Variants in ITSN1 observed in about 807,000 individuals in gnomAD.
The protein encoded by ITSN1 is intersectin 1, also known as intersectin-1.
ITSN1 carries 58 observed loss-of-function variants against 239.8 expected under a neutral mutation model. The ratio of observed to expected loss-of-function variants is 0.24; its 90% CI spans 0.20 to 0.30. The LOEUF (loss-of-function observed/expected upper bound fraction) is 0.30, where lower values mean the gene tolerates loss of function less well. Ranked by LOEUF, ITSN1 falls within the 10% of genes least tolerant of loss-of-function variation. The probability of loss-of-function intolerance (pLI) is 1.00; values close to 1 mark genes in which losing one functional copy is unlikely to be tolerated. For synonymous variants in ITSN1, 780 were observed against 770.8 expected, an observed-to-expected ratio of 1.01 and a Z score of -0.20; for missense variants, 1,558 against 2,103.3, an observed-to-expected ratio of 0.74 and a Z score of 5.07.
At chr21:33,701,675 A>G (rs1263406988) in intron 1 of ITSN1, among the ~76,000 whole-genome samples, 1 of 151,814 alleles carries the variant, frequency 6.6e-6, no homozygotes, top group Non-Finnish European at 1.5e-5. Flanking sequence ...CGCACCTGTA[A>G]TCCCAGCTAT....
At chr21:33,657,502 T>C (rs928514864) in intron 1 of ITSN1, among the ~76,000 whole-genome samples, 9 of 152,232 alleles carry the variant, frequency 5.9e-5, no homozygotes, top group Non-Finnish European at 1.0e-4. Context: ...GACATTTCAC[T>C]GGTCTTCCAC....
intron 6 of ITSN1, 29 bp downstream of exon 6, chr21:33,750,351 A>T: frequency 6.3e-7 from 1 of 1,589,636 alleles, no homozygotes; most frequent in Non-Finnish European, 8.6e-7. Flanking sequence ...CCATAGGCTG[A>T]GTTTTTACTA....
chr21:33,699,531 G>A (rs1322912397), intron 1 of ITSN1, among the ~76,000 whole-genome samples: 4 of 151,980 alleles, frequency 2.6e-5, no homozygotes, highest in Admixed American at 2.6e-4. Context: ...ACCAGGCTGG[G>A]CAACATGGTG....
At chr21:33,678,764 A>T (rs2090751737) in intron 1 of ITSN1, among the ~76,000 whole-genome samples, 1 of 152,002 alleles carries the variant, frequency 6.6e-6, no homozygotes, top group Admixed American at 6.5e-5. Context: ...TCCAGGCTGG[A>T]GTGTAGTGGC....
rs79460603 is a variant in ITSN1 at position 33,727,233 on chromosome 21, A to G, written c.185+4582A>G. ...TATCCTTTTGGCAATTGAAGTGCTTAGAATTTTTTCAACTTTGCTATGATG... is the reference window on the plus strand; with the variant it reads ...TATCCTTTTGGCAATTGAAGTGCTTGGAATTTTTTCAACTTTGCTATGATG... On this transcript the variant is annotated intron_variant, in intron 4 of 39. Transcript: ENST00000381318. 9.4e-3 allele frequency among the ~76,000 whole-genome samples: 1,436 copies of G among 152,300 alleles called. 32 individuals are homozygous for G. The highest frequency in any genetic ancestry group is 0.033 in the African/African-American group (1,391 of 41,540).
chr21:33,849,793 T>G (rs2075102168), intron 29 of ITSN1, among the ~76,000 whole-genome samples: 1 of 152,146 alleles, frequency 6.6e-6, no homozygotes, highest in South Asian at 2.1e-4. Context: ...ACACCTACAA[T>G]GTACCCACAA....
intron 7 of ITSN1, among the ~76,000 whole-genome samples, chr21:33,753,854 C>T (rs1328276959): frequency 6.8e-6 from 1 of 147,584 alleles, no homozygotes; most frequent in Non-Finnish European, 1.5e-5. Context: ...TTGAAATCTG[C>T]TTTATTGATT....
intron 5 of ITSN1, among the ~76,000 whole-genome samples, chr21:33,748,575 C>T (rs2067329722): frequency 6.6e-6 from 1 of 152,020 alleles, no homozygotes; most frequent in Non-Finnish European, 1.5e-5. Flanking sequence ...CATGGTGACT[C>T]ACGCTTGTAA....
intron 1 of ITSN1, among the ~76,000 whole-genome samples, chr21:33,688,277 T>C: frequency 6.6e-6 from 1 of 152,180 alleles, no homozygotes; most frequent in East Asian, 1.9e-4. Context: ...AAGATCAAAA[T>C]CATTATTTCT....
chr21:33,857,867 C>T (rs566381230), intron 30 of ITSN1, among the ~76,000 whole-genome samples: 67 of 152,284 alleles, frequency 4.4e-4, no homozygotes, highest in Admixed American at 1.4e-3. Context: ...GGTTCAACGT[C>T]GGCTTAAGGA....
intron 22 of ITSN1, among the ~76,000 whole-genome samples, chr21:33,816,881 G>C (rs995551155): frequency 4.6e-5 from 7 of 152,274 alleles, no homozygotes; most frequent in Non-Finnish European, 8.8e-5. Context: ...TGAATGTACA[G>C]CTAAGTGGAA....
At chr21:33,885,001 G>A in intron 36 of ITSN1, 40 bp from the exon 37 acceptor site, 5 of 1,507,832 alleles carry the variant, frequency 3.3e-6, no homozygotes, top group Non-Finnish European at 4.6e-6. Flanking sequence ...CCTTTTTCCT[G>A]AGTTTCTGTT....
At chr21:33,879,439 A>C (rs539641862) in intron 34 of ITSN1, among the ~76,000 whole-genome samples, 9 of 152,332 alleles carry the variant, frequency 5.9e-5, no homozygotes, top group Non-Finnish European at 1.5e-5. Context: ...TTGCAGAGGA[A>C]TGATGGGCCA....
chr21:33,659,181 C>T (rs573748758), intron 1 of ITSN1, among the ~76,000 whole-genome samples: 22 of 152,254 alleles, frequency 1.4e-4, no homozygotes, highest in Admixed American at 9.8e-4. Context: ...CTGTGAGGTT[C>T]GGAGAGCTGG....
At chr21:33,662,485 T>C (rs2089635008) in intron 1 of ITSN1, among the ~76,000 whole-genome samples, 1 of 152,068 alleles carries the variant, frequency 6.6e-6, no homozygotes, top group Admixed American at 6.6e-5. Context: ...GGTGATGGGG[T>C]ATTGCCTTTT....
intron 22 of ITSN1, chr21:33,817,609 T>C: frequency 7.8e-7 from 1 of 1,285,606 alleles, no homozygotes; most frequent in Non-Finnish European, 1.0e-6. Context: ...CTGCCCATCT[T>C]TATAGTGCTT....
Position 33,767,708 on chromosome 21 carries a change from T to G in ITSN1, c.927-5T>G. On this transcript the variant is annotated splice_polypyrimidine_tract_variant and splice_region_variant and intron_variant, in intron 10 of 39. Transcript: ENST00000381318. Reference sequence around the variant, plus strand: ...ATCTATTTTTCTTTTTCCCCGCAATTGCAGAAGAGTTCGATCTGGCAGTGG... The same window carrying G: ...ATCTATTTTTCTTTTTCCCCGCAATGGCAGAAGAGTTCGATCTGGCAGTGG... 6.4e-7 allele frequency: 1 copy of G among 1,569,890 alleles called. No individual in the cohort carries two copies. The highest frequency in any genetic ancestry group is 8.7e-7 in the Non-Finnish European group (1 of 1,144,696).
At chr21:33,790,262 A>G (rs928660839) in intron 16 of ITSN1, among the ~76,000 whole-genome samples, 1 of 151,686 alleles carries the variant, frequency 6.6e-6, no homozygotes, top group East Asian at 1.9e-4. Flanking sequence ...TTTAAAAAAA[A>G]CTTATTTTAA....
At chr21:33,810,579 C>G (rs1004064220) in intron 20 of ITSN1, among the ~76,000 whole-genome samples, 1 of 151,920 alleles carries the variant, frequency 6.6e-6, no homozygotes, top group African/African-American at 2.4e-5. Context: ...TTGATTGCAC[C>G]CTTTGCTTTC....
Sources: allele counts gnomAD v4.1 joint callset (sites outside exome capture counted in the v4.1 genomes callset), GRCh38; gene constraint gnomAD v4.1.1; transcripts MANE v1.5; gene names NCBI Gene and HGNC (gene_info 2026-07-23, HGNC 2026-07-21).